The following LEKR1 variants were observed in gnomAD, a reference collection of about 807,000 sequenced individuals.
The protein encoded by LEKR1 is leucine, glutamate and lysine rich 1.
A neutral mutation model predicts 72.4 loss-of-function variants in LEKR1; 59 were observed. The ratio of observed to expected loss-of-function variants is 0.82; its 90% CI spans 0.66 to 1.01. The LOEUF (loss-of-function observed/expected upper bound fraction) is 1.01. LEKR1 is among the 50% of genes least tolerant of loss of function. The pLI, the probability that LEKR1 is intolerant of heterozygous loss-of-function variation, is 0.00. For synonymous variants in LEKR1, 257 were observed against 263.2 expected (o/e 0.98, Z 0.23); for missense variants, 728 against 759.2 (o/e 0.96, Z 0.48).
intron 2 of LEKR1, among the ~76,000 whole-genome samples, chr3:156,830,918 G>A (rs1712295562): frequency 1.3e-5 from 2 of 152,208 alleles, no homozygotes; most frequent in African/African-American, 4.8e-5. Context: ...ATGTCATTAA[G>A]AAAATCATTA....
chr3:157,022,437 T>C (rs1733908995), intron 10 of LEKR1, among the ~76,000 whole-genome samples: 1 of 152,102 alleles, frequency 6.6e-6, no homozygotes, highest in African/African-American at 2.4e-5. Context: ...CAGGAAGTGC[T>C]GATGAAAGTT....
chr3:156,935,594 T>C lies in LEKR1; in HGVS notation c.560-6935T>C, dbSNP rs184219173. On this transcript the variant is annotated intron_variant, in intron 5 of 12. Transcript: ENST00000356539. The stretch of plus-strand genomic sequence containing the variant: ...ATAATCTATATCTTAAATTTAAGTA[T>C]AGAAAAAAATAAATTGAATGTAATG... 3.3e-5 allele frequency among the ~76,000 whole-genome samples: 5 copies of C among 152,216 alleles called. No homozygotes were observed. The East Asian group carries it at 9.6e-4, about 29-fold the overall frequency.
At chr3:156,890,487 G>T (rs1051363404) in intron 3 of LEKR1, among the ~76,000 whole-genome samples, 1 of 152,078 alleles carries the variant, frequency 6.6e-6, no homozygotes, top group African/African-American at 2.4e-5. Context: ...TTGTGAATTT[G>T]CTTTAATAAA....
At chr3:156,941,660 A>C (rs1726221954) in intron 5 of LEKR1, among the ~76,000 whole-genome samples, 1 of 152,118 alleles carries the variant, frequency 6.6e-6, no homozygotes, top group Non-Finnish European at 1.5e-5. Context: ...CTGAAAAAGC[A>C]GACTGTCCAA....
chr3:156,998,592 C>T (rs956112331), intron 9 of LEKR1, among the ~76,000 whole-genome samples: 2 of 152,068 alleles, frequency 1.3e-5, no homozygotes, highest in Non-Finnish European at 2.9e-5. Flanking sequence ...AAAGCTTAAT[C>T]GTAATTAAAG....
chr3:157,025,042 G>A (rs919773076), intron 11 of LEKR1, 118 bp downstream of exon 11: 7 of 668,428 alleles, frequency 1.0e-5, no homozygotes, highest in Non-Finnish European at 1.7e-5. Context: ...TGGTCACTGT[G>A]TCTTGGTTTT....
At chr3:156,986,942 T>C (rs551805400) in intron 7 of LEKR1, among the ~76,000 whole-genome samples, 2 of 152,092 alleles carry the variant, frequency 1.3e-5, no homozygotes, top group African/African-American at 4.8e-5. Context: ...TATCAAGGAG[T>C]TAGTTTAAGA....
chr3:157,016,367 C>G (rs1733333123), intron 10 of LEKR1, among the ~76,000 whole-genome samples: 1 of 151,846 alleles, frequency 6.6e-6, no homozygotes, highest in Non-Finnish European at 1.5e-5. Context: ...GGAAAGGAGA[C>G]AGCAGATTTT....
At chr3:156,882,870 GA>G (rs1331038449) in intron 3 of LEKR1, among the ~76,000 whole-genome samples, 1 of 151,720 alleles carries the variant, frequency 6.6e-6, no homozygotes, top group African/African-American at 2.4e-5. Flanking sequence ...GATGAAATTG[GA>G]AATCATCATT....
At chr3:156,957,531 A>G (rs751500839) in intron 6 of LEKR1, among the ~76,000 whole-genome samples, 1 of 151,796 alleles carries the variant, frequency 6.6e-6, no homozygotes, top group Non-Finnish European at 1.5e-5. Context: ...TACCTCCTAC[A>G]GTGAAAAAAA....
At chr3:157,005,561 A>C (rs1366039024) in intron 9 of LEKR1, among the ~76,000 whole-genome samples, 2 of 152,184 alleles carry the variant, frequency 1.3e-5, no homozygotes, top group East Asian at 3.8e-4. Flanking sequence ...ACAAAATTTT[A>C]GCAAATTGAA....
At chr3:156,925,551 A>G (rs1724637323) in intron 4 of LEKR1, among the ~76,000 whole-genome samples, 1 of 151,956 alleles carries the variant, frequency 6.6e-6, no homozygotes, top group Non-Finnish European at 1.5e-5. Flanking sequence ...CTTGCCTCTT[A>G]TTTCACAGAG....
chr3:157,031,275 T>A (rs555176432), intron 12 of LEKR1, among the ~76,000 whole-genome samples: 27 of 152,216 alleles, frequency 1.8e-4, no homozygotes, highest in African/African-American at 6.3e-4. Flanking sequence ...TAAAAAAATG[T>A]GGACTGAAAG....
intron 9 of LEKR1, among the ~76,000 whole-genome samples, chr3:156,999,572 G>A (rs1273617440): frequency 1.3e-5 from 2 of 152,176 alleles, no homozygotes; most frequent in African/African-American, 4.8e-5. Context: ...CTCAGTGGAA[G>A]GGCTAAGGGG....
intron 3 of LEKR1, among the ~76,000 whole-genome samples, chr3:156,859,043 G>C (rs939906454): frequency 9.2e-5 from 14 of 152,076 alleles, no homozygotes; most frequent in Non-Finnish European, 7.4e-5. Flanking sequence ...ACCGTATTAA[G>C]AGTTTAATAA....
At chr3:156,883,651 A>T (rs2108553686) in intron 3 of LEKR1, among the ~76,000 whole-genome samples, 1 of 152,312 alleles carries the variant, frequency 6.6e-6, no homozygotes, top group East Asian at 1.9e-4. Context: ...ACAAGATCTG[A>T]TAGTTTTATA....
rs6803381 is a variant in LEKR1 at position 156,924,054 on chromosome 3, A to G, written c.383+3360A>G. 5.0e-3 allele frequency among the ~76,000 whole-genome samples: 763 copies of G among 152,054 alleles called. 8 individuals carry two copies. The highest frequency in any genetic ancestry group is 0.018 in the African/African-American group (738 of 41,490). Reference sequence around the variant, plus strand: ...TCAATATTTAATTTTTTAACTGCCAACCTGTTTTCCAAAGGGGCTGCACAT... The same window carrying G: ...TCAATATTTAATTTTTTAACTGCCAGCCTGTTTTCCAAAGGGGCTGCACAT... On this transcript the variant is annotated intron_variant, in intron 4 of 12. Coordinates refer to ENST00000356539, the MANE Select transcript of LEKR1 (RefSeq NM_001004316.3).
chr3:156,883,569 G>C (rs1055590574), intron 3 of LEKR1, among the ~76,000 whole-genome samples: 2 of 152,188 alleles, frequency 1.3e-5, no homozygotes, highest in Non-Finnish European at 2.9e-5. Context: ...TTGTGGGAGG[G>C]ACTTGGTGGG....
intron 6 of LEKR1, among the ~76,000 whole-genome samples, chr3:156,949,761 A>C (rs115137363): frequency 6.6e-6 from 1 of 151,462 alleles, no homozygotes; most frequent in Non-Finnish European, 1.5e-5. Context: ...ACTCAGCATA[A>C]AGAAAAGCTG....
Sources: gnomAD v4.1 joint callset for allele counts (sites outside exome capture counted in the v4.1 genomes callset) on GRCh38, gnomAD v4.1.1 for gene constraint, MANE v1.5 for transcripts, NCBI Gene and HGNC (gene_info 2026-07-23, HGNC 2026-07-21) for gene names.